Variants in AKAP14 observed in about 807,000 individuals in gnomAD.
AKAP14 encodes the protein A-kinase anchor protein 14.
A neutral mutation model predicts 17.0 loss-of-function variants in AKAP14; 4 were observed. That is an observed-to-expected ratio of 0.23 (90% CI 0.12 to 0.54). The LOEUF (loss-of-function observed/expected upper bound fraction) is 0.54. AKAP14 is among the 20% of genes least tolerant of loss of function. The probability of loss-of-function intolerance (pLI) is 0.95; values close to 1 mark genes in which losing one functional copy is unlikely to be tolerated. For synonymous variants in AKAP14, 42 were observed against 51.3 expected (o/e 0.82, Z 0.77); for missense variants, 129 against 150.9 (o/e 0.85, Z 0.76).
intron 6 of AKAP14, 64 bp from the exon 7 acceptor site, chrX:119,920,440 CTTTG>C: frequency 1.1e-6 from 1 of 914,262 alleles, no homozygotes; most frequent in African/African-American, 1.9e-5. Context: ...AGGGAATCCC[CTTTG>C]TTTGATTTTA....
chrX:119,908,170 C>G (rs751089910), intron 4 of AKAP14, among the ~76,000 whole-genome samples: 1 of 109,514 alleles, frequency 9.1e-6, no homozygotes, highest in South Asian at 3.9e-4. Flanking sequence ...GCCTGTAATC[C>G]CAGCTGCTTG....
intron 4 of AKAP14, among the ~76,000 whole-genome samples, chrX:119,907,451 A>ATATT (rs1376594058): frequency 5.0e-4 from 54 of 108,571 alleles, no homozygotes; most frequent in African/African-American, 1.4e-3. Context: ...TTTTTAAAAA[A>ATATT]TATTTATTTA....
chrX:119,905,420 C>T lies in AKAP14; in HGVS notation c.261+1834C>T, dbSNP rs777350166. On this transcript the variant is annotated intron_variant, in intron 4 of 6. Coordinates refer to ENST00000371431, the MANE Select transcript of AKAP14 (RefSeq NM_178813.6). Reference sequence around the variant, plus strand: ...GTTGGGCAAAGGCCCCTGCCTACTGCACTCAGGGTTCCTGAATCAAACTAG... The same window carrying T: ...GTTGGGCAAAGGCCCCTGCCTACTGTACTCAGGGTTCCTGAATCAAACTAG... Among the ~76,000 whole-genome samples, 21 of 112,942 alleles carry T rather than the reference C, an allele frequency of 1.9e-4. No individual in the cohort carries two copies. In the East Asian group the frequency reaches 5.8e-3, roughly 31 times the overall value.
At chrX:119,905,445 G>C (rs1226432196) in intron 4 of AKAP14, among the ~76,000 whole-genome samples, 1 of 112,719 alleles carries the variant, frequency 8.9e-6, no homozygotes, top group Non-Finnish European at 1.9e-5. Context: ...AATCAAACTA[G>C]AATGGAACAC....
chrX:119,902,684 T>C (rs2056573516), intron 2 of AKAP14, among the ~76,000 whole-genome samples: 1 of 111,601 alleles, frequency 9.0e-6, no homozygotes, highest in South Asian at 3.7e-4. Context: ...ATTATGGTGT[T>C]TTTTTTGTTT....
intron 2 of AKAP14, among the ~76,000 whole-genome samples, chrX:119,902,672 T>A (rs2056573291): frequency 9.0e-6 from 1 of 111,674 alleles, no homozygotes; most frequent in South Asian, 3.7e-4. Context: ...TTGATTTAAG[T>A]CATTATGGTG....
rs1027489793 is a variant in AKAP14, at chrX:119,914,773, C to T, written c.336C>T (p.Leu112=). ...VERKDLIHSF[L]YIYYVHWSIS... is the part of the protein sequence containing the mutation. Reference sequence around the variant, plus strand: ...GGAAAGACTTAATTCACAGCTTCCTCTACATCTACTATGTACACTGGAGTA... The same window carrying T: ...GGAAAGACTTAATTCACAGCTTCCTTTACATCTACTATGTACACTGGAGTA... Residue 112 remains leucine (L), a synonymous_variant, in exon 5 of 7, where the codon CTC becomes CTT. Coordinates refer to ENST00000371431, the MANE Select transcript of AKAP14 (RefSeq NM_178813.6). 3 of 1,207,807 alleles carry T rather than the reference C, an allele frequency of 2.5e-6. No homozygotes were observed. The African/African-American group carries it at 5.2e-5, about 21-fold the overall frequency.
intron 4 of AKAP14, among the ~76,000 whole-genome samples, chrX:119,904,687 A>T (rs971938127): frequency 1.8e-5 from 2 of 111,537 alleles, no homozygotes; most frequent in Non-Finnish European, 1.9e-5. Context: ...GTTCAAGTCC[A>T]GCCTGGCCAA....
At position 119,895,905 on chromosome X, in the gene AKAP14, A is replaced by G. The variant is rs924474435; in HGVS notation, c.-206A>G. 42 of 111,691 alleles carry G rather than the reference A, an allele frequency of 3.8e-4. No individual in the cohort carries two copies. The highest frequency in any genetic ancestry group is 1.3e-3 in the African/African-American group (41 of 30,804). 9.2% of individuals were successfully genotyped at this position (111,691 alleles called of 1,213,427 possible). A position where few individuals can be genotyped will look rare whatever the true frequency, so the allele number is the denominator to read the frequency against. On this transcript the variant is annotated 5_prime_UTR_variant, in exon 1 of 7. Coordinates refer to ENST00000371431, the MANE Select transcript of AKAP14 (RefSeq NM_178813.6). ...TGACTGGCATATCATAGGGATGCCC[A>G]ATACATACCAGCTGTGAGGCTTATC...
At chrX:119,915,192 T>C (rs183376856) in intron 5 of AKAP14, among the ~76,000 whole-genome samples, 187 of 111,870 alleles carry the variant, frequency 1.7e-3, no homozygotes, top group African/African-American at 6.0e-3. Flanking sequence ...ACTCAGGCCT[T>C]GGACCTCTTC....
At chrX:119,909,012 A>G (rs1212197179) in intron 4 of AKAP14, among the ~76,000 whole-genome samples, 1 of 110,884 alleles carries the variant, frequency 9.0e-6, no homozygotes, top group East Asian at 2.8e-4. Flanking sequence ...TACCAGTCCC[A>G]GTTTATTGTG....
chrX:119,897,714 C>G (rs146586635), intron 2 of AKAP14, among the ~76,000 whole-genome samples: 2,065 of 111,807 alleles, frequency 0.018, 18 homozygotes, highest in Middle Eastern at 0.037. Context: ...TGGAAATGCT[C>G]TGTGTGCTCT....
chrX:119,898,479 T>C (rs1034829330), intron 2 of AKAP14, among the ~76,000 whole-genome samples: 1 of 111,792 alleles, frequency 8.9e-6, no homozygotes, highest in East Asian at 2.8e-4. Flanking sequence ...TCAATGATGA[T>C]GTCAAGAAAG....
intron 5 of AKAP14, among the ~76,000 whole-genome samples, chrX:119,917,543 T>A (rs748480735): frequency 5.4e-4 from 60 of 110,424 alleles, no homozygotes; most frequent in Non-Finnish European, 9.5e-4. Flanking sequence ...AGGTGGAGGT[T>A]GCGGTGAGCT....
intron 4 of AKAP14, among the ~76,000 whole-genome samples, chrX:119,912,800 G>A (rs1003256401): frequency 9.0e-6 from 1 of 111,465 alleles, no homozygotes; most frequent in Non-Finnish European, 1.9e-5. Context: ...ATCCACGTGC[G>A]CTCAAGTCCC....
At chrX:119,917,925 A>G (rs1356902502) in intron 5 of AKAP14, among the ~76,000 whole-genome samples, 1 of 112,941 alleles carries the variant, frequency 8.9e-6, no homozygotes, top group Non-Finnish European at 1.9e-5. Flanking sequence ...CTGAGGCTGC[A>G]GGCCTAGAGA....
chrX:119,915,654 C>A (rs997256335), intron 5 of AKAP14, among the ~76,000 whole-genome samples: 1 of 111,799 alleles, frequency 8.9e-6, no homozygotes, highest in East Asian at 2.8e-4. Flanking sequence ...TACAGTCGTG[C>A]GCCACCATGC....
At position 119,908,899 on chromosome X, in the gene AKAP14, A is replaced by G. The variant is rs145745922; in HGVS notation, c.261+5313A>G. ...AAGGCTGCCTTCATTCACAAAAGGGAGGAAAAATCCACTAAGAGCCAAGCT... is the reference window on the plus strand; with the variant it reads ...AAGGCTGCCTTCATTCACAAAAGGGGGGAAAAATCCACTAAGAGCCAAGCT... On this transcript the variant is annotated intron_variant, in intron 4 of 6. Coordinates refer to ENST00000371431, the MANE Select transcript of AKAP14 (RefSeq NM_178813.6). Among the ~76,000 whole-genome samples, 240 of 111,748 alleles carry G rather than the reference A, an allele frequency of 2.1e-3. 1 individual carries two copies. Among genetic ancestry groups the G allele is most frequent in the African/African-American group, 6.9e-3 (213 of 30,849 alleles).
intron 5 of AKAP14, among the ~76,000 whole-genome samples, chrX:119,916,721 G>A (rs1770625558): frequency 1.2e-5 from 1 of 86,785 alleles, no homozygotes; most frequent in African/African-American, 4.3e-5. Flanking sequence ...GGCTGGTCTT[G>A]AACTCCTGAG....
Sources: allele counts gnomAD v4.1 joint callset (sites outside exome capture counted in the v4.1 genomes callset), GRCh38; gene constraint gnomAD v4.1.1; transcripts MANE v1.5; gene names NCBI Gene and HGNC (gene_info 2026-07-23, HGNC 2026-07-21).